Variants in GAB4 observed in about 807,000 individuals in gnomAD.
GAB4 encodes the protein GRB2 associated binding protein family member 4.
Under a neutral mutation model 51.3 loss-of-function variants are expected in GAB4, and 26 were observed. That is an observed-to-expected ratio of 0.51 (90% CI 0.37 to 0.70). GAB4 has a LOEUF of 0.70. Among genes scored for constraint, GAB4 ranks in the 30% least tolerant of loss-of-function variants. GAB4 has a pLI of 0.00. For missense variants in GAB4, 759 were observed against 734.6 expected (o/e 1.03, Z -0.38); for synonymous variants, 329 against 291.2 (o/e 1.13, Z -1.32).
chr22:16,965,127 C>T (rs1260716859), intron 7 of GAB4, 51 bp downstream of exon 7: 2 of 1,380,480 alleles, frequency 1.4e-6, no homozygotes, highest in Middle Eastern at 1.8e-4. Flanking sequence ...ATCCCACTCA[C>T]TCCTCCACCG....
At position 16,970,132 on chromosome 22, in the gene GAB4, G is replaced by C. The variant is rs1232903728; in HGVS notation, c.748C>G (p.Gln250Glu). The change falls in exon 4 of 10, where the codon CAA becomes GAA. Residue 250 changes from glutamine to glutamate, a missense_variant. By Grantham distance (29) the Gln-to-Glu change is conservative (BLOSUM62 2). Coordinates refer to ENST00000400588, the MANE Select transcript of GAB4 (RefSeq NM_001037814.1). The stretch of plus-strand genomic sequence containing the variant: ...TATCCACTGTGCTGGGCAAGATTTT[G>C]CATGGCTGTGTTTCTCCTCATGATG... ...PFIMRRNTAM[Q>E]NLAQHSGYSV... 1 of 1,614,032 alleles carries C rather than the reference G, an allele frequency of 6.2e-7. No homozygotes were observed. Among genetic ancestry groups the C allele is most frequent in the Non-Finnish European group, 8.5e-7 (1 of 1,180,032 alleles).
At position 16,982,950 on chromosome 22, in the gene GAB4, G is replaced by A. The variant is rs115342934; in HGVS notation, c.686+5010C>T. Among the ~76,000 whole-genome samples the A allele has an allele frequency of 4.1e-3, 622 of 152,256 alleles. 1 individual carries two copies. The highest frequency in any genetic ancestry group is 0.024 in the Middle Eastern group (7 of 294). ...CCCAGGGCATAAAACCCCTCGTGGC[G>A]TGGATGGAATCCAGGGCTCAGGGCA... On this transcript the variant is annotated intron_variant, in intron 3 of 9. Transcript: ENST00000400588.
Position 16,962,871 on chromosome 22 carries a change from G to A in GAB4, c.1587C>T (p.Ser529=). The change falls in exon 10 of 10, where the codon TCC becomes TCT. Residue 529 remains serine, a synonymous_variant. Coordinates refer to ENST00000400588, the MANE Select transcript of GAB4 (RefSeq NM_001037814.1). ...TCTTGCCGGACGTGACAGAGCCTAT[G>A]GATGGCTGAGGGACAGAGGGTGGAA... ...AALDFQPSKP[S]IGSVTSGKKV... 6.2e-7 allele frequency: 1 copy of A among 1,612,500 alleles called. No individual in the cohort carries two copies. The highest frequency in any genetic ancestry group is 8.5e-7 in the Non-Finnish European group (1 of 1,179,132).
rs188985314 is a variant in GAB4, at chr22:16,994,112, C to T, written c.175-1936G>A. 6.6e-5 allele frequency among the ~76,000 whole-genome samples: 10 copies of T among 152,276 alleles called. No homozygotes were observed. In the East Asian group the frequency reaches 1.9e-3, roughly 29 times the overall value. The stretch of plus-strand genomic sequence containing the variant: ...AGCCTGCATTCTCTTCCAACTATGG[C>T]CCAGTTTTTCTACCCTCTTTACCTT... On this transcript the variant is annotated intron_variant, in intron 1 of 9. Transcript: ENST00000400588.
At chr22:17,007,229 T>C (rs1057182181) in intron 1 of GAB4, among the ~76,000 whole-genome samples, 3 of 152,166 alleles carry the variant, frequency 2.0e-5, no homozygotes, top group Non-Finnish European at 4.4e-5. Context: ...CTCAGTAAAA[T>C]TGTTGAAATT....
intron 1 of GAB4, among the ~76,000 whole-genome samples, chr22:16,999,076 A>C (rs2060974433): frequency 6.6e-6 from 1 of 152,212 alleles, no homozygotes; most frequent in Admixed American, 6.5e-5. Flanking sequence ...ATTGATGTTC[A>C]TCAGGGATAT....
chr22:16,969,024 G>A (rs1051257250), intron 4 of GAB4, among the ~76,000 whole-genome samples: 1 of 152,170 alleles, frequency 6.6e-6, no homozygotes, highest in African/African-American at 2.4e-5. Flanking sequence ...GCTTTGCAAG[G>A]TATAAGAATG....
intron 1 of GAB4, among the ~76,000 whole-genome samples, chr22:17,002,686 C>A (rs1307069127): frequency 2.0e-5 from 3 of 151,306 alleles, no homozygotes. Flanking sequence ...TTGTTGGGGG[C>A]GAGGGGGGAG....
chr22:16,969,836 A>C, intron 4 of GAB4, 107 bp downstream of exon 4: 2 of 1,333,426 alleles, frequency 1.5e-6, no homozygotes, highest in East Asian at 4.6e-5. Context: ...CTGTCCTAGG[A>C]ATCTGGTGCA....
At chr22:16,984,739 G>C (rs2060854033) in intron 3 of GAB4, among the ~76,000 whole-genome samples, 1 of 152,192 alleles carries the variant, frequency 6.6e-6, no homozygotes, top group African/African-American at 2.4e-5. Context: ...ACTGGTTTGG[G>C]ACTTTCTACA....
In GAB4 at chr22:16,968,338, C is replaced by CGG. The variant is rs1442055212; in HGVS notation, c.981_982dup (p.Arg328ProfsTer36). The CGG allele has an allele frequency of 2.5e-6, 4 of 1,613,954 alleles. No homozygotes were observed. The highest frequency in any genetic ancestry group is 3.4e-6 in the Non-Finnish European group (4 of 1,179,976). On this transcript the variant is annotated frameshift_variant, in exon 5 of 10. Transcript: ENST00000400588. LOFTEE classifies it high-confidence loss of function. ...TCCCTCATGCATGGACTCAGCAGGC[C>CGG]GGCTGGCATTCCCTCCACCATGCTG...
intron 4 of GAB4, 74 bp from the exon 5 acceptor site, chr22:16,968,457 G>A: frequency 1.9e-6 from 2 of 1,052,592 alleles, no homozygotes; most frequent in South Asian, 2.5e-5. Context: ...CCTCCCCAGT[G>A]CTGCTTAGGG....
intron 1 of GAB4, among the ~76,000 whole-genome samples, chr22:17,005,197 T>C (rs1193301080): frequency 3.3e-5 from 5 of 152,164 alleles, no homozygotes; most frequent in Non-Finnish European, 5.9e-5. Flanking sequence ...AGCATTCCTA[T>C]ACACCAATAA....
chr22:17,005,699 T>G (rs2061035018), intron 1 of GAB4, among the ~76,000 whole-genome samples: 1 of 152,034 alleles, frequency 6.6e-6, no homozygotes, highest in Admixed American at 6.5e-5. Context: ...ACACCACACA[T>G]CTACAACCAT....
At chr22:16,968,126 G>A (rs2060696674) in intron 5 of GAB4, among the ~76,000 whole-genome samples, 172 bp downstream of exon 5, 1 of 152,186 alleles carries the variant, frequency 6.6e-6, no homozygotes, top group South Asian at 2.1e-4. Context: ...CTGGATACCA[G>A]TATCTCACTT....
intron 1 of GAB4, among the ~76,000 whole-genome samples, chr22:16,999,567 T>G (rs1230053354): frequency 1.3e-5 from 2 of 152,212 alleles, no homozygotes; most frequent in African/African-American, 4.8e-5. Flanking sequence ...GTCTTTCAAT[T>G]CTGTTGATCT....
intron 5 of GAB4, among the ~76,000 whole-genome samples, chr22:16,967,803 G>A (rs1423041111): frequency 2.0e-5 from 3 of 152,182 alleles, no homozygotes; most frequent in Non-Finnish European, 2.9e-5. Context: ...CTTTCCAGGT[G>A]GCAGCCTGGA....
intron 1 of GAB4, 45 bp from the exon 2 acceptor site, chr22:16,992,221 A>C: frequency 6.5e-7 from 1 of 1,542,946 alleles, no homozygotes; most frequent in Non-Finnish European, 8.8e-7. Context: ...TTGTTATTAC[A>C]AAGCTTTTAA....
At chr22:16,972,133 C>T (rs1250277642) in intron 3 of GAB4, among the ~76,000 whole-genome samples, 1 of 152,242 alleles carries the variant, frequency 6.6e-6, no homozygotes, top group African/African-American at 2.4e-5. Flanking sequence ...GCTCACGCCC[C>T]ACTTTCCATC....
Sources: allele counts gnomAD v4.1 joint callset (sites outside exome capture counted in the v4.1 genomes callset), GRCh38; gene constraint gnomAD v4.1.1; transcripts MANE v1.5; gene names NCBI Gene and HGNC (gene_info 2026-07-23, HGNC 2026-07-21).